Variants in DOCK11 observed in about 807,000 individuals in gnomAD.
The protein encoded by DOCK11 is dedicator of cytokinesis protein 11.
DOCK11 carries 70 observed loss-of-function variants against 169.1 expected under a neutral mutation model. That is an observed-to-expected ratio of 0.41 (90% CI 0.34 to 0.51). The LOEUF is 0.51. DOCK11 is among the 20% of genes least tolerant of loss of function. The probability of loss-of-function intolerance (pLI) is 0.10; values close to 1 mark genes in which losing one functional copy is unlikely to be tolerated. For missense variants in DOCK11, 1,166 were observed against 1,538.8 expected, an observed-to-expected ratio of 0.76 and a Z score of 4.05; for synonymous variants, 529 against 541.3, an observed-to-expected ratio of 0.98 and a Z score of 0.32.
At chrX:118,663,658 A>C (rs1465866211) in intron 45 of DOCK11, among the ~76,000 whole-genome samples, 1 of 101,768 alleles carries the variant, frequency 9.8e-6, no homozygotes, top group Non-Finnish European at 2.0e-5. Context: ...GTAGAATATT[A>C]AATTGGCATC....
chrX:118,658,216 A>G (rs751631055), intron 44 of DOCK11, among the ~76,000 whole-genome samples: 1 of 112,437 alleles, frequency 8.9e-6, no homozygotes, highest in Admixed American at 9.4e-5. Context: ...GGGAAGGAGC[A>G]TTAGAGTATA....
intron 19 of DOCK11, 119 bp downstream of exon 19, chrX:118,590,421 CAG>C (rs1390229843): frequency 3.8e-5 from 23 of 598,340 alleles, no homozygotes; most frequent in Non-Finnish European, 5.3e-5. Flanking sequence ...TCCATGAAAA[CAG>C]AAAATATTAC....
At chrX:118,542,054 A>G (rs970734165) in intron 1 of DOCK11, among the ~76,000 whole-genome samples, 4 of 112,153 alleles carry the variant, frequency 3.6e-5, no homozygotes, top group Non-Finnish European at 5.6e-5. Flanking sequence ...AGAGTAGTAC[A>G]GATGCAGTAA....
intron 32 of DOCK11, among the ~76,000 whole-genome samples, chrX:118,627,082 G>A (rs1343183910): frequency 8.9e-6 from 1 of 111,942 alleles, no homozygotes; most frequent in Non-Finnish European, 1.9e-5. Flanking sequence ...TGAAAAATTA[G>A]CTGGGTGTGG....
At chrX:118,577,033 T>G (rs1487000708) in intron 12 of DOCK11, among the ~76,000 whole-genome samples, 2 of 112,680 alleles carry the variant, frequency 1.8e-5, no homozygotes, top group African/African-American at 6.4e-5. Flanking sequence ...AAGCCTGAAC[T>G]GCAATCTTCT....
At chrX:118,610,883 A>G (rs1163752987) in intron 28 of DOCK11, among the ~76,000 whole-genome samples, 2 of 111,169 alleles carry the variant, frequency 1.8e-5, no homozygotes, top group African/African-American at 6.6e-5. Context: ...TACCAAAAAT[A>G]CAAAAATCAG....
intron 46 of DOCK11, among the ~76,000 whole-genome samples, chrX:118,675,671 A>G (rs1269468897): frequency 9.1e-6 from 1 of 109,752 alleles, no homozygotes; most frequent in African/African-American, 3.3e-5. Flanking sequence ...AAACCTGCAT[A>G]TTCTGCACAT....
intron 4 of DOCK11, 26 bp from the exon 5 acceptor site, chrX:118,545,297 C>T (rs755192867): frequency 2.7e-6 from 3 of 1,102,271 alleles, no homozygotes; most frequent in Non-Finnish European, 3.7e-6. Context: ...TTTTTAGTGT[C>T]TAAGACAGTT....
At chrX:118,545,177 A>C in intron 4 of DOCK11, 146 bp from the exon 5 acceptor site, 1 of 386,252 alleles carries the variant, frequency 2.6e-6, no homozygotes, top group South Asian at 6.0e-5. Flanking sequence ...GGAGAATAGG[A>C]TGTCTTGGCA....
chrX:118,552,403 G>A (rs2012529976), intron 6 of DOCK11, among the ~76,000 whole-genome samples: 1 of 111,658 alleles, frequency 9.0e-6, no homozygotes, highest in Admixed American at 9.6e-5. Context: ...GGCTAGTAGA[G>A]GAACTAGGCT....
chrX:118,656,256 G>T (rs1456344739), intron 44 of DOCK11, among the ~76,000 whole-genome samples: 1 of 97,118 alleles, frequency 1.0e-5, no homozygotes, highest in Non-Finnish European at 2.2e-5. Flanking sequence ...ACAAGACCCT[G>T]TCTCAAAAAA....
intron 46 of DOCK11, among the ~76,000 whole-genome samples, chrX:118,672,807 G>C (rs192242324): frequency 1.8e-5 from 2 of 112,621 alleles, no homozygotes; most frequent in East Asian, 5.5e-4. Flanking sequence ...AACACACATA[G>C]ATTTAATATA....
At chrX:118,673,608 T>C (rs1249214839) in intron 46 of DOCK11, among the ~76,000 whole-genome samples, 1 of 112,030 alleles carries the variant, frequency 8.9e-6, no homozygotes, top group Non-Finnish European at 1.9e-5. Context: ...AAAGATAATA[T>C]GGGAGGAATT....
intron 41 of DOCK11, among the ~76,000 whole-genome samples, chrX:118,651,653 G>T (rs1263894454): frequency 1.8e-5 from 2 of 111,875 alleles, no homozygotes; most frequent in Non-Finnish European, 3.8e-5. Flanking sequence ...TATTTAAAAT[G>T]GAGACCTGAC....
chrX:118,654,411 T>G (rs2016017055), intron 42 of DOCK11, among the ~76,000 whole-genome samples, 191 bp from the exon 43 acceptor site: 1 of 112,070 alleles, frequency 8.9e-6, no homozygotes, highest in Admixed American at 9.5e-5. Flanking sequence ...CCACCAAGGT[T>G]AGAGCCTTTG....
rs776840946 is a variant in DOCK11 at position 118,542,876 on chromosome X, C to G, written c.219+35C>G. Reference sequence around the variant, plus strand: ...CAAACACTTCTTTAAAGAAAAAAACCCCTATTTTTCAAGCCAGTTCTTACA... The same window carrying G: ...CAAACACTTCTTTAAAGAAAAAAACGCCTATTTTTCAAGCCAGTTCTTACA... On this transcript the variant is annotated intron_variant, in intron 2 of 52. Coordinates refer to ENST00000276202, the MANE Select transcript of DOCK11 (RefSeq NM_144658.4). 3.4e-6 allele frequency: 4 copies of G among 1,193,424 alleles called. No homozygotes were observed. In the Admixed American group the frequency reaches 8.8e-5, roughly 26 times the overall value.
At chrX:118,668,068 C>T (rs949479384) in intron 45 of DOCK11, among the ~76,000 whole-genome samples, 13 of 111,881 alleles carry the variant, frequency 1.2e-4, no homozygotes, top group South Asian at 1.1e-3. Flanking sequence ...GCCATATGCA[C>T]GGAACAATTT....
chrX:118,594,302 A>G (rs923798379), intron 20 of DOCK11, among the ~76,000 whole-genome samples: 4 of 112,052 alleles, frequency 3.6e-5, no homozygotes, highest in Non-Finnish European at 5.6e-5. Context: ...GCTAGTCTGT[A>G]TTATTCACTC....
In DOCK11 at chrX:118,683,204, T is replaced by C; in HGVS notation, c.6089T>C (p.Ile2030Thr). The C allele has an allele frequency of 2.5e-6, 3 of 1,210,214 alleles. No homozygotes were observed. Residue 2030 changes from isoleucine (I) to threonine (T), a missense_variant, in exon 52 of 53, where the codon ATT (isoleucine) becomes ACT (threonine). By Grantham distance (89) the Ile-to-Thr change is moderately conservative. Transcript: ENST00000276202. ...FRDMVKELSD[I>T]IHEQILQEDT... ...GACATGGTAAAAGAATTATCTGACA[T>C]TATCCATGAGCAGGCAAGTATTAGG...
Sources: gnomAD v4.1 joint callset for allele counts (sites outside exome capture counted in the v4.1 genomes callset) on GRCh38, gnomAD v4.1.1 for gene constraint, MANE v1.5 for transcripts, NCBI Gene and HGNC (gene_info 2026-07-23, HGNC 2026-07-21) for gene names.